Variants in TNK2 observed in about 807,000 individuals in gnomAD.
TNK2 encodes tyrosine kinase non receptor 2.
In TNK2, 83 loss-of-function variants were observed where a neutral mutation model predicts 101.8. The observed-to-expected ratio is 0.82, with a 90% confidence interval of 0.68 to 0.98. The LOEUF is 0.98. TNK2 is among the 50% of genes least tolerant of loss of function. TNK2 has a pLI of 0.00. For missense variants in TNK2, 1,665 were observed against 1,483.2 expected (o/e 1.12, Z -2.01); for synonymous variants, 804 against 633.0 (o/e 1.27, Z -4.06).
chr3:195,881,923 C>G, intron 6 of TNK2, 128 bp downstream of exon 6: 1 of 1,169,428 alleles, frequency 8.6e-7, no homozygotes, highest in Non-Finnish European at 1.2e-6. Flanking sequence ...AAGGAGGGCA[C>G]CCCAGGCTTA....
At position 195,878,912 on chromosome 3, in the gene TNK2, C is replaced by T; in HGVS notation, c.1014+137G>A. 7.3e-7 allele frequency: 1 copy of T among 1,365,016 alleles called. No homozygotes were observed. The highest frequency in any genetic ancestry group is 1.0e-6 in the Non-Finnish European group (1 of 996,728). 84.6% of individuals were successfully genotyped at this position (1,365,016 alleles called of 1,614,324 possible). A position where few individuals can be genotyped will look rare whatever the true frequency, so the allele number is the denominator to read the frequency against. On this transcript the variant is annotated intron_variant, in intron 7 of 15. Coordinates refer to ENST00000672887, the MANE Select transcript of TNK2 (RefSeq NM_001382273.1). This position sits in a 1 kb window ranked among gnomAD's most constrained non-coding sequence, Gnocchi z 4.7. ...AGGAGACACGGGGCGTGGTGGGAGG[C>T]ACGGGAAGTGGGGGGAGGCACGGGG...
At chr3:195,887,161 T>C (rs775113012) in intron 2 of TNK2, 114 bp from the exon 3 acceptor site, 38 of 1,031,342 alleles carry the variant, frequency 3.7e-5, no homozygotes, top group African/African-American at 8.0e-5. Flanking sequence ...CACCCGATGA[T>C]AGCAATGAAA....
At chr3:195,892,162 T>C (rs1339798574) in intron 1 of TNK2, among the ~76,000 whole-genome samples, 1 of 152,188 alleles carries the variant, frequency 6.6e-6, no homozygotes, top group Non-Finnish European at 1.5e-5. Flanking sequence ...TGCATGGTCC[T>C]GGCCCCCGCA....
chr3:195,871,225 G>A (rs1008624399), intron 10 of TNK2, among the ~76,000 whole-genome samples: 22 of 152,130 alleles, frequency 1.4e-4, no homozygotes, highest in African/African-American at 5.3e-4. Flanking sequence ...TCCCGGAAGT[G>A]ACTGATTCTG....
chr3:195,865,952 G>A (rs903925956), intron 15 of TNK2, among the ~76,000 whole-genome samples: 1 of 152,218 alleles, frequency 6.6e-6, no homozygotes, highest in Non-Finnish European at 1.5e-5. Context: ...CCACGCTGCT[G>A]GGACAAGGGC....
intron 1 of TNK2, chr3:195,892,398 GC>G: frequency 2.0e-6 from 3 of 1,527,920 alleles, no homozygotes; most frequent in Non-Finnish European, 2.6e-6. Flanking sequence ...TCCAGCCCCT[GC>G]CCCCCACTCA....
At chr3:195,892,520 C>G in intron 1 of TNK2, 1 of 1,533,170 alleles carries the variant, frequency 6.5e-7, no homozygotes, top group Admixed American at 2.0e-5. Flanking sequence ...CGAGCAGTCA[C>G]TGGGGATCCA....
chr3:195,904,085 T>G (rs1761494631), intron 1 of TNK2, among the ~76,000 whole-genome samples: 2 of 149,630 alleles, frequency 1.3e-5, no homozygotes, highest in South Asian at 4.2e-4. Context: ...AACTCCCGTC[T>G]CTACAGAAAA....
intron 1 of TNK2, chr3:195,895,518 G>A (rs1421024513): frequency 1.5e-6 from 2 of 1,352,290 alleles, no homozygotes; most frequent in South Asian, 3.7e-5. Flanking sequence ...CCGGCCTGCG[G>A]CCATTCCCTC....
rs200979285 is a variant in TNK2, at chr3:195,867,843, G to A, written c.2455C>T (p.Pro819Ser). 8.7e-5 allele frequency: 134 copies of A among 1,534,700 alleles called. No homozygotes were observed. Among genetic ancestry groups the A allele is most frequent in the Middle Eastern group, 7.0e-4 (4 of 5,740 alleles). The change falls in exon 13 of 16, where the codon CCA becomes TCA. Residue 819 changes from proline (P) to serine (S), a missense_variant. Coordinates refer to ENST00000672887, the MANE Select transcript of TNK2 (RefSeq NM_001382273.1). ...PLVPPGSSPLPPRLSSSPGKT... is the reference protein window; with the variant it reads ...PLVPPGSSPLSPRLSSSPGKT... ...CCAGGTGAGCTTGAGAGCCGGGGTG[G>A]CAGCGGGGAGCTGCCAGGTGGTACC...
chr3:195,893,951 G>A, intron 1 of TNK2, among the ~76,000 whole-genome samples: 1 of 152,190 alleles, frequency 6.6e-6, no homozygotes, highest in Non-Finnish European at 1.5e-5. Context: ...TGGGGAGAAG[G>A]ACACCCCCAA....
chr3:195,887,870 G>C (rs570865794), intron 2 of TNK2, among the ~76,000 whole-genome samples: 1 of 149,628 alleles, frequency 6.7e-6, no homozygotes, highest in African/African-American at 2.5e-5. Context: ...GTGCGCAGGC[G>C]TGTGAGCGCG....
intron 1 of TNK2, among the ~76,000 whole-genome samples, chr3:195,893,641 C>A (rs1170040390): frequency 6.6e-6 from 1 of 152,074 alleles, no homozygotes; most frequent in Non-Finnish European, 1.5e-5. Context: ...CTCTTACACC[C>A]CCCTCGCTAC....
At chr3:195,895,456 A>G in intron 1 of TNK2, 1 of 1,416,390 alleles carries the variant, frequency 7.1e-7, no homozygotes, top group Non-Finnish European at 9.2e-7. Context: ...CTCAGCCCCC[A>G]TAGCCTCATC....
intron 9 of TNK2, chr3:195,876,391 G>A (rs1749282146): frequency 2.2e-6 from 1 of 456,412 alleles, no homozygotes; most frequent in Non-Finnish European, 4.4e-6. Flanking sequence ...GCCAGGCTAG[G>A]AGGGAACTCC....
chr3:195,873,826 G>A (rs1302060563), intron 9 of TNK2, among the ~76,000 whole-genome samples: 1 of 152,122 alleles, frequency 6.6e-6, no homozygotes, highest in African/African-American at 2.4e-5. Flanking sequence ...CGGGGAGGCG[G>A]GGGGCGCGGG....
intron 6 of TNK2, among the ~76,000 whole-genome samples, chr3:195,879,725 C>T (rs573820367): frequency 4.6e-4 from 70 of 152,144 alleles, no homozygotes; most frequent in African/African-American, 1.7e-3. Context: ...GACATCCCGG[C>T]GTGGACTGAG....
Position 195,867,459 on chromosome 3 carries a change from C to T in TNK2, c.2839G>A (p.Ala947Thr). ...GTGGCCCTCGGGGGTGGTGGCCGGG[C>T]CCCTGGGTTGCTGTTGTTGGTGGAG... ...NFSTNNSNPG[A>T]RPPPPRATAR... The change falls in exon 13 of 16, where the codon GCC becomes ACC. Residue 947 changes from alanine (A) to threonine (T), a missense_variant. By Grantham distance (58) the Ala-to-Thr change is moderately conservative. This residue lies in a region of TNK2 where 1,136 missense variants were observed against 894.9 expected (regional missense o/e 1.27). Transcript: ENST00000672887. The T allele has an allele frequency of 1.9e-6, 3 of 1,587,514 alleles. No homozygotes were observed. The highest frequency in any genetic ancestry group is 1.7e-6 in the Non-Finnish European group (2 of 1,173,880).
chr3:195,885,685 G>A lies in TNK2; in HGVS notation c.235-652C>T, dbSNP rs1009593827. ...GGCGCCTAGAGCTGAGGGCTGAGAC[G>A]GAAGGAAAAGTGGAGGAGACTCGGA... is the stretch of plus-strand genomic sequence containing the variant. On this transcript the variant is annotated intron_variant, in intron 3 of 15. Coordinates refer to ENST00000672887, the MANE Select transcript of TNK2 (RefSeq NM_001382273.1). The surrounding 1 kb of genome is among the most constrained non-coding windows in gnomAD (Gnocchi z 4.7). The A allele has an allele frequency of 2.5e-5, 23 of 902,100 alleles. No individual in the cohort carries two copies. The highest frequency in any genetic ancestry group is 1.4e-4 in the African/African-American group (8 of 57,750). 55.9% of individuals were successfully genotyped at this position (902,100 alleles called of 1,614,324 possible).
Sources: gnomAD v4.1 joint callset for allele counts (sites outside exome capture counted in the v4.1 genomes callset) on GRCh38, gnomAD v4.1.1 for gene constraint, gnomAD v4.1.1 regional missense constraint, Gnocchi (gnomAD v3.1) non-coding constraint, MANE v1.5 for transcripts, NCBI Gene and HGNC (gene_info 2026-07-23, HGNC 2026-07-21) for gene names.